The following SHANK2 variants were observed in gnomAD, a reference collection of about 807,000 sequenced individuals.
The protein encoded by SHANK2 is SH3 and multiple ankyrin repeat domains 2, also known as SH3 and multiple ankyrin repeat domains protein 2.
SHANK2 carries 43 observed loss-of-function variants against 133.7 expected under a neutral mutation model. The observed-to-expected ratio is 0.32, with a 90% CI of 0.25 to 0.41. SHANK2 has a LOEUF of 0.41. Among genes scored for constraint, SHANK2 ranks in the 10% least tolerant of loss-of-function variants. The pLI is 1.00. For synonymous variants in SHANK2, 1,017 were observed against 952.8 expected, an observed-to-expected ratio of 1.07 and a Z score of -1.24; for missense variants, 1,994 against 2,235.8, an observed-to-expected ratio of 0.89 and a Z score of 2.18.
At chr11:70,668,902 G>A (rs1944737453) in intron 15 of SHANK2, 1 of 152,344 alleles carries the variant, frequency 6.6e-6, no homozygotes, top group African/African-American at 2.4e-5. Context: ...ACCCAGGGCA[G>A]TCTAGGGACA....
chr11:70,658,453 G>A lies in SHANK2; in HGVS notation c.2061+1375C>T, dbSNP rs182768390. 1.6e-4 allele frequency among the ~76,000 whole-genome samples: 24 copies of A among 152,268 alleles called. No homozygotes were observed. In the East Asian group the frequency reaches 2.7e-3, roughly 17 times the overall value. ...CTCCAATCTCTGTCATTCTGGTGGTGCACCCGACAGTTTCAACACACAAGA... is the reference window on the plus strand; with the variant it reads ...CTCCAATCTCTGTCATTCTGGTGGTACACCCGACAGTTTCAACACACAAGA... On this transcript the variant is annotated intron_variant, in intron 17 of 25. Coordinates refer to ENST00000601538, the MANE Select transcript of SHANK2 (RefSeq NM_012309.5).
chr11:70,771,764 C>A (rs1200275902), intron 14 of SHANK2, among the ~76,000 whole-genome samples: 1 of 152,190 alleles, frequency 6.6e-6, no homozygotes. Context: ...CACACGGCCA[C>A]TGATGGATTT....
intron 17 of SHANK2, among the ~76,000 whole-genome samples, chr11:70,601,021 C>CTATATCTA (rs2060488468): frequency 3.5e-5 from 2 of 56,414 alleles, no homozygotes; most frequent in Non-Finnish European, 8.6e-5. Context: ...GAGAATATAT[C>CTATATCTA]TATATCTATA....
intron 1 of SHANK2, chr11:71,240,706 G>C (rs1461251054): frequency 5.3e-5 from 8 of 152,342 alleles, no homozygotes; most frequent in African/African-American, 1.9e-4. Flanking sequence ...GAGGTGGGAG[G>C]ATCGCTTGAG....
rs576841168 is a variant in SHANK2 at position 70,569,256 on chromosome 11, G to A, written c.2062-66325C>T. ...GAGCCTAAGTGTGTAGTGACCCCAG[G>A]GGAGGCTGGTGGCTAAGCCATGCCG... On this transcript the variant is annotated intron_variant, in intron 17 of 25. Transcript: ENST00000601538. The surrounding 1 kb of genome is among the most constrained non-coding windows in gnomAD (Gnocchi z 5.1). 1.4e-4 allele frequency among the ~76,000 whole-genome samples: 22 copies of A among 152,314 alleles called. No individual in the cohort carries two copies. Among genetic ancestry groups the A allele is most frequent in the African/African-American group, 5.3e-4 (22 of 41,586 alleles).
chr11:70,519,539 C>T (rs1481519593), intron 17 of SHANK2, among the ~76,000 whole-genome samples: 5 of 151,888 alleles, frequency 3.3e-5, no homozygotes, highest in African/African-American at 7.3e-5. Flanking sequence ...CCCAGCTACT[C>T]GGGAGGCTGA....
chr11:70,765,585 G>T (rs1947102216), intron 14 of SHANK2, among the ~76,000 whole-genome samples: 1 of 152,146 alleles, frequency 6.6e-6, no homozygotes, highest in African/African-American at 2.4e-5. Context: ...GCCAGGATAG[G>T]CTTGTTTTCT....
rs1336175810 is a variant in SHANK2 at position 70,487,964 on chromosome 11, C to T, written c.2573-244G>A. Among the ~76,000 whole-genome samples the T allele has an allele frequency of 5.3e-5, 8 of 152,212 alleles. No homozygotes were observed. Among genetic ancestry groups the T allele is most frequent in the Admixed American group, 5.2e-4 (8 of 15,288 alleles). On this transcript the variant is annotated intron_variant, in intron 24 of 25. Coordinates refer to ENST00000601538, the MANE Select transcript of SHANK2 (RefSeq NM_012309.5). The surrounding 1 kb of genome is among the most constrained non-coding windows in gnomAD (Gnocchi z 5.8). The stretch of plus-strand genomic sequence containing the variant: ...CTGTGAGTACGCTGCTGCTGTGGGG[C>T]CTCCAGGCACAGGCTGCAGCAGGGG...
At chr11:70,594,984 C>T (rs992774492) in intron 17 of SHANK2, among the ~76,000 whole-genome samples, 4 of 152,092 alleles carry the variant, frequency 2.6e-5, no homozygotes, top group Non-Finnish European at 4.4e-5. Context: ...GCTTCAGGGC[C>T]GGGAGCCGGG....
At chr11:71,240,999 CA>C (rs1290105130) in intron 1 of SHANK2, 1 of 152,192 alleles carries the variant, frequency 6.6e-6, no homozygotes. Context: ...CAGGAAATAC[CA>C]AGTCTTGCTG....
rs1951267040 is a variant in SHANK2, at chr11:71,079,653, G to A, written c.913-4378C>T. ...CGGGTGCCTGTAGTCCCAGCTACTT[G>A]GGAGGCTGAGGCGGGAGAATGGCGT... On this transcript the variant is annotated intron_variant, in intron 8 of 25. Transcript: ENST00000601538. Among the ~76,000 whole-genome samples the A allele has an allele frequency of 2.0e-5, 3 of 151,106 alleles. No homozygotes were observed. In the South Asian group the frequency reaches 6.3e-4, roughly 32 times the overall value.
chr11:70,512,664 C>G (rs2059218717), intron 17 of SHANK2, among the ~76,000 whole-genome samples: 1 of 152,180 alleles, frequency 6.6e-6, no homozygotes, highest in Non-Finnish European at 1.5e-5. Flanking sequence ...TTCCTGAAGA[C>G]TTTTGATCTG....
intron 11 of SHANK2, among the ~76,000 whole-genome samples, chr11:70,825,507 C>T (rs1375988695): frequency 6.6e-6 from 1 of 152,192 alleles, no homozygotes; most frequent in East Asian, 1.9e-4. Context: ...CATTTTTACT[C>T]TGTAGACCAC....
chr11:71,184,021 G>A (rs1470641964), intron 2 of SHANK2, among the ~76,000 whole-genome samples: 4 of 152,086 alleles, frequency 2.6e-5, no homozygotes, highest in Non-Finnish European at 4.4e-5. Flanking sequence ...CTCCTGACTG[G>A]GGAGCACTAA....
chr11:70,716,633 C>A lies in SHANK2; in HGVS notation c.1778-17870G>T, dbSNP rs115439472. On this transcript the variant is annotated intron_variant, in intron 14 of 25. Transcript: ENST00000601538. Reference sequence around the variant, plus strand: ...AGACCACCCGCCCTCCGCCCCTGGCCGTGACCTTAGCAAGCCAGGGCCAGA... The same window carrying A: ...AGACCACCCGCCCTCCGCCCCTGGCAGTGACCTTAGCAAGCCAGGGCCAGA... Among the ~76,000 whole-genome samples the A allele has an allele frequency of 5.2e-3, 797 of 152,266 alleles. 8 individuals carry two copies. Among genetic ancestry groups the A allele is most frequent in the African/African-American group, 0.018 (761 of 41,552 alleles).
intron 17 of SHANK2, among the ~76,000 whole-genome samples, chr11:70,503,579 G>A (rs1197953237): frequency 6.6e-6 from 1 of 152,226 alleles, no homozygotes; most frequent in African/African-American, 2.4e-5. Context: ...TCCTGGGACG[G>A]TGAGTGGCAG....
intron 2 of SHANK2, among the ~76,000 whole-genome samples, chr11:71,152,077 A>C (rs1291692354): frequency 2.6e-5 from 2 of 76,034 alleles, no homozygotes; most frequent in Non-Finnish European, 5.1e-5. Flanking sequence ...CAGATTTGAC[A>C]AAAAAAACGT....
intron 10 of SHANK2, among the ~76,000 whole-genome samples, chr11:70,905,747 C>T (rs1372072461): frequency 1.3e-5 from 2 of 152,148 alleles, no homozygotes; most frequent in Admixed American, 1.3e-4. Context: ...GAACTCACAG[C>T]CTCTGGAGCT....
intron 11 of SHANK2, among the ~76,000 whole-genome samples, chr11:70,885,939 C>A (rs1000094394): frequency 2.0e-5 from 3 of 152,180 alleles, no homozygotes; most frequent in South Asian, 2.1e-4. Flanking sequence ...TAGACAGATA[C>A]GCACGGGAGA....
Sources: allele counts gnomAD v4.1 joint callset (sites outside exome capture counted in the v4.1 genomes callset), GRCh38; gene constraint gnomAD v4.1.1; non-coding constraint Gnocchi (gnomAD v3.1); transcripts MANE v1.5; gene names NCBI Gene and HGNC (gene_info 2026-07-23, HGNC 2026-07-21).